The following ANP32E variants were observed in gnomAD, a reference collection of about 807,000 sequenced individuals.
ANP32E encodes acidic leucine-rich nuclear phosphoprotein 32 family member E.
A neutral mutation model predicts 35.3 loss-of-function variants in ANP32E; 14 were observed. The ratio of observed to expected loss-of-function variants is 0.40; its 90% CI spans 0.26 to 0.62. ANP32E has a LOEUF of 0.62. Among genes scored for constraint, ANP32E ranks in the 20% least tolerant of loss-of-function variants. ANP32E has a pLI of 0.45. For synonymous variants in ANP32E, 89 were observed against 110.4 expected (o/e 0.81, Z 1.22); for missense variants, 198 against 304.4 (o/e 0.65, Z 2.60).
At chr1:150,222,270 A>C (rs1264149641) in intron 6 of ANP32E, among the ~76,000 whole-genome samples, 1 of 151,228 alleles carries the variant, frequency 6.6e-6, no homozygotes, top group African/African-American at 2.4e-5. Flanking sequence ...AATACAAAAA[A>C]TTAGCCAGGC....
At chr1:150,232,025 A>C in intron 1 of ANP32E, 99 bp from the exon 2 acceptor site, 6 of 1,224,818 alleles carry the variant, frequency 4.9e-6, no homozygotes, top group Non-Finnish European at 6.8e-6. Flanking sequence ...AAAACCACCA[A>C]TCTCCAGTTT....
chr1:150,224,942 T>C (rs1648747070), intron 5 of ANP32E, among the ~76,000 whole-genome samples: 1 of 152,222 alleles, frequency 6.6e-6, no homozygotes, highest in African/African-American at 2.4e-5. Flanking sequence ...GTCAGTGTAC[T>C]AGATGCTGAG....
intron 6 of ANP32E, among the ~76,000 whole-genome samples, chr1:150,222,507 G>A (rs1441056544): frequency 7.0e-6 from 1 of 142,168 alleles, no homozygotes; most frequent in African/African-American, 2.5e-5. Context: ...TACAATCCCA[G>A]CACTTTGGGA....
At chr1:150,230,438 C>T (rs1238256937) in intron 3 of ANP32E, 133 bp downstream of exon 3, 3 of 695,330 alleles carry the variant, frequency 4.3e-6, no homozygotes, top group East Asian at 6.4e-5. Context: ...GAAACAAAAG[C>T]AGTAACTGCC....
chr1:150,224,223 CAA>C (rs1259684411), intron 5 of ANP32E, among the ~76,000 whole-genome samples: 1 of 151,392 alleles, frequency 6.6e-6, no homozygotes. Context: ...GAAGGAGAGA[CAA>C]GAAAAAAAGG....
rs1254326096 is a variant in ANP32E at position 150,219,348 on chromosome 1, C to G, written c.*1343G>C. ...TTTAGTAGCCATGTAAGGAAACACA[C>G]ACTCACTTATCCCAAATATTTTTCT... On this transcript the variant is annotated 3_prime_UTR_variant, in exon 7 of 7. Transcript: ENST00000583931. 3 of 152,164 alleles carry G rather than the reference C, an allele frequency of 2.0e-5. No homozygotes were observed. Among genetic ancestry groups the G allele is most frequent in the Non-Finnish European group, 4.4e-5 (3 of 68,014 alleles). 9.4% of individuals were successfully genotyped at this position (152,164 alleles called of 1,614,324 possible).
At chr1:150,224,233 AG>A (rs1351096852) in intron 5 of ANP32E, among the ~76,000 whole-genome samples, 1 of 152,202 alleles carries the variant, frequency 6.6e-6, no homozygotes, top group Non-Finnish European at 1.5e-5. Flanking sequence ...CAAGAAAAAA[AG>A]GGGAAGACTG....
At chr1:150,222,487 G>A (rs987188392) in intron 6 of ANP32E, among the ~76,000 whole-genome samples, 35 of 150,794 alleles carry the variant, frequency 2.3e-4, no homozygotes, top group African/African-American at 8.3e-4. Flanking sequence ...TGGCCATGGT[G>A]GCTCACATCT....
chr1:150,232,908 T>C (rs988945191), intron 1 of ANP32E, among the ~76,000 whole-genome samples: 1 of 152,122 alleles, frequency 6.6e-6, no homozygotes, highest in Non-Finnish European at 1.5e-5. Context: ...CATCAGATAA[T>C]ATATTTATGC....
Position 150,221,561 on chromosome 1 carries a change from GA to G in ANP32E, c.737-801del, listed in dbSNP as rs1489716011. 1.7e-3 allele frequency among the ~76,000 whole-genome samples: 36 copies of G among 21,044 alleles called. 4 individuals carry two copies. The East Asian group carries it at 0.063, about 37-fold the overall frequency. The allele number at this position is 21,044 out of a possible 152,430, so 13.8% of individuals were successfully genotyped here. A position where few individuals can be genotyped will look rare whatever the true frequency, so the allele number is the denominator to read the frequency against. On this transcript the variant is annotated intron_variant, in intron 6 of 6. Transcript: ENST00000583931. ...GGAGGGAGGGAGGGAGGGAGGGAAGGAAAGGAAGGAGAGTGGGAGGAAGGGA... is the reference window on the plus strand; with the variant it reads ...GGAGGGAGGGAGGGAGGGAGGGAAGGAAGGAAGGAGAGTGGGAGGAAGGGA...
intron 1 of ANP32E, 98 bp from the exon 2 acceptor site, chr1:150,232,024 A>G: frequency 8.0e-7 from 1 of 1,243,674 alleles, no homozygotes; most frequent in Non-Finnish European, 1.1e-6. Context: ...TAAAACCACC[A>G]ATCTCCAGTT....
At chr1:150,224,400 C>G (rs1648703894) in intron 5 of ANP32E, among the ~76,000 whole-genome samples, 1 of 152,042 alleles carries the variant, frequency 6.6e-6, no homozygotes, top group East Asian at 1.9e-4. Context: ...CAGTGAAACC[C>G]TGTCTCTACT....
At chr1:150,226,925 A>AT in intron 4 of ANP32E, 130 bp from the exon 5 acceptor site, 3 of 1,251,878 alleles carry the variant, frequency 2.4e-6, no homozygotes, top group African/African-American at 1.6e-5. Flanking sequence ...TCACAGCGAT[A>AT]CTTTTTTTTT....
At chr1:150,232,082 C>T (rs1400258359) in intron 1 of ANP32E, among the ~76,000 whole-genome samples, 156 bp from the exon 2 acceptor site, 6 of 152,086 alleles carry the variant, frequency 3.9e-5, no homozygotes, top group African/African-American at 7.2e-5. Flanking sequence ...CGGTGGCTCA[C>T]GCCTGTAATC....
chr1:150,220,879 A>C (rs1648293945), intron 6 of ANP32E, 118 bp from the exon 7 acceptor site: 1 of 791,444 alleles, frequency 1.3e-6, no homozygotes, highest in Non-Finnish European at 2.1e-6. Flanking sequence ...TCACACCTGT[A>C]ATCCCAGCAC....
At chr1:150,223,105 T>C in intron 6 of ANP32E, 81 bp downstream of exon 6, 1 of 1,415,706 alleles carries the variant, frequency 7.1e-7, no homozygotes, top group Non-Finnish European at 9.5e-7. Flanking sequence ...TTCTTTAAAG[T>C]GTATGAAATA....
At position 150,220,012 on chromosome 1, in the gene ANP32E, C is replaced by T. The variant is rs1472834978; in HGVS notation, c.*679G>A. On this transcript the variant is annotated 3_prime_UTR_variant, in exon 7 of 7. Coordinates refer to ENST00000583931, the MANE Select transcript of ANP32E (RefSeq NM_030920.5). Reference sequence around the variant, plus strand: ...GCAGCCTGACAAAAGGGCTCACCTGCATGTCTCTGGACTTAGTATAAGCAA... The same window carrying T: ...GCAGCCTGACAAAAGGGCTCACCTGTATGTCTCTGGACTTAGTATAAGCAA... 1 of 152,124 alleles carries T rather than the reference C, an allele frequency of 6.6e-6. No homozygotes were observed. The highest frequency in any genetic ancestry group is 1.5e-5 in the Non-Finnish European group (1 of 68,014). 9.4% of individuals were successfully genotyped at this position (152,124 alleles called of 1,614,324 possible). A position where few individuals can be genotyped will look rare whatever the true frequency, so the allele number is the denominator to read the frequency against.
rs1235824210 is a variant in ANP32E, at chr1:150,220,595, A to C, written c.*96T>G. 2.5e-5 allele frequency: 29 copies of C among 1,157,758 alleles called. No individual in the cohort carries two copies. The highest frequency in any genetic ancestry group is 1.6e-4 in the Admixed American group (8 of 48,974). The allele number at this position is 1,157,758 out of a possible 1,614,324, so 71.7% of individuals were successfully genotyped here. A position where few individuals can be genotyped will look rare whatever the true frequency, so the allele number is the denominator to read the frequency against. ...CTTTTCCTATAAAAAGTTACACATT[A>C]TCTTCTGTAGGGATAGCTATCGTAC... On this transcript the variant is annotated 3_prime_UTR_variant, in exon 7 of 7. Transcript: ENST00000583931.
At chr1:150,230,827 C>G (rs1293642970) in intron 2 of ANP32E, 134 bp from the exon 3 acceptor site, 1 of 717,880 alleles carries the variant, frequency 1.4e-6, no homozygotes, top group Non-Finnish European at 2.1e-6. Flanking sequence ...CTGCAACCTC[C>G]GCCTCCTGGG....
Sources: gnomAD v4.1 joint callset for allele counts (sites outside exome capture counted in the v4.1 genomes callset) on GRCh38, gnomAD v4.1.1 for gene constraint, MANE v1.5 for transcripts, NCBI Gene and HGNC (gene_info 2026-07-23, HGNC 2026-07-21) for gene names.